LUZP2: variants seen among roughly 807,000 people sequenced by gnomAD.
LUZP2 encodes the protein leucine zipper protein 2.
A neutral mutation model predicts 51.6 loss-of-function variants in LUZP2; 52 were observed. That is an observed-to-expected ratio of 1.01 (90% CI 0.81 to 1.27). The LOEUF (loss-of-function observed/expected upper bound fraction) is 1.27. LUZP2 is among the 50% of genes most tolerant of loss of function. The pLI is 0.00. For missense variants in LUZP2, 436 were observed against 395.4 expected (o/e 1.10, Z -0.87); for synonymous variants, 154 against 137.3 (o/e 1.12, Z -0.85).
chr11:24,574,069 G>A (rs905190676), intron 1 of LUZP2, among the ~76,000 whole-genome samples: 4 of 149,838 alleles, frequency 2.7e-5, no homozygotes, highest in Non-Finnish European at 4.5e-5. Context: ...TCTCTCTTTC[G>A]CTTCTCTCTC....
intron 10 of LUZP2, among the ~76,000 whole-genome samples, chr11:25,052,925 A>G (rs889613684): frequency 1.3e-5 from 2 of 152,176 alleles, no homozygotes; most frequent in South Asian, 2.1e-4. Context: ...AAAGTAGGAT[A>G]TAATGTAGTT....
intron 9 of LUZP2, among the ~76,000 whole-genome samples, chr11:25,030,984 TACA>T (rs1276728908): frequency 1.5e-4 from 1 of 6,484 alleles, no homozygotes; most frequent in East Asian, 2.6e-3. Flanking sequence ...ATATATATAA[TACA>T]ATATATATTA....
chr11:24,651,027 A>G (rs1445330938), intron 1 of LUZP2, among the ~76,000 whole-genome samples: 1 of 152,022 alleles, frequency 6.6e-6, no homozygotes, highest in Admixed American at 6.6e-5. Flanking sequence ...CACCAGGGCC[A>G]TTACACCTTC....
intron 1 of LUZP2, among the ~76,000 whole-genome samples, chr11:24,718,234 G>T (rs1332229858): frequency 2.0e-5 from 3 of 152,156 alleles, no homozygotes; most frequent in Admixed American, 6.5e-5. Flanking sequence ...GCTAATCTCA[G>T]AGTGGTTGTT....
intron 1 of LUZP2, among the ~76,000 whole-genome samples, chr11:24,511,216 G>C (rs1033766329): frequency 1.3e-5 from 2 of 152,052 alleles, no homozygotes; most frequent in Non-Finnish European, 2.9e-5. Context: ...TGTCTTTTTT[G>C]TGTATAGTAA....
chr11:24,668,120 G>C (rs1340615652), intron 1 of LUZP2, among the ~76,000 whole-genome samples: 4 of 152,226 alleles, frequency 2.6e-5, no homozygotes, highest in Admixed American at 1.3e-4. Context: ...ATAGTGCAAA[G>C]TGAAAGTGAT....
intron 7 of LUZP2, among the ~76,000 whole-genome samples, chr11:24,947,051 A>G (rs912280216): frequency 2.0e-5 from 3 of 151,988 alleles, no homozygotes; most frequent in African/African-American, 7.2e-5. Context: ...AAATCCGCAT[A>G]TAACTTTTGA....
intron 7 of LUZP2, among the ~76,000 whole-genome samples, chr11:24,955,505 T>C (rs1855188064): frequency 1.3e-5 from 2 of 151,978 alleles, no homozygotes; most frequent in Admixed American, 6.6e-5. Context: ...AAAAATTACA[T>C]GGAATGAAAA....
chr11:24,616,181 G>A (rs113333461), intron 1 of LUZP2, among the ~76,000 whole-genome samples: 186 of 151,682 alleles, frequency 1.2e-3, no homozygotes, highest in East Asian at 6.6e-3. Context: ...AGGGTCTTTC[G>A]CAGAGGCAAA....
intron 1 of LUZP2, among the ~76,000 whole-genome samples, chr11:24,547,389 G>A (rs1016631844): frequency 2.0e-5 from 3 of 151,896 alleles, no homozygotes; most frequent in African/African-American, 7.2e-5. Flanking sequence ...AACGGAACAG[G>A]TTAGAGAACC....
At chr11:24,715,908 T>C (rs1858025324) in intron 1 of LUZP2, among the ~76,000 whole-genome samples, 1 of 152,184 alleles carries the variant, frequency 6.6e-6, no homozygotes, top group African/African-American at 2.4e-5. Flanking sequence ...TATTTTTTCA[T>C]CAATGATATC....
intron 1 of LUZP2, among the ~76,000 whole-genome samples, chr11:24,668,271 A>G (rs1355819679): frequency 6.6e-6 from 1 of 152,248 alleles, no homozygotes; most frequent in Non-Finnish European, 1.5e-5. Flanking sequence ...ACACTGAAGC[A>G]TAAAGGGAAT....
At chr11:24,593,713 T>G (rs566126026) in intron 1 of LUZP2, among the ~76,000 whole-genome samples, 90 of 152,348 alleles carry the variant, frequency 5.9e-4, no homozygotes, top group Middle Eastern at 3.4e-3. Context: ...GATGTTCCAA[T>G]AGGCTCTTAC....
intron 7 of LUZP2, among the ~76,000 whole-genome samples, chr11:24,961,497 T>A (rs1295124417): frequency 6.6e-6 from 1 of 151,868 alleles, no homozygotes; most frequent in Non-Finnish European, 1.5e-5. Flanking sequence ...TTTACCATTA[T>A]GTAATGGCCT....
chr11:25,044,096 T>A (rs1453538172), intron 9 of LUZP2, among the ~76,000 whole-genome samples: 1 of 104,150 alleles, frequency 9.6e-6, no homozygotes, highest in African/African-American at 4.2e-5. Context: ...TATATATATC[T>A]GATATATATA....
chr11:24,960,951 T>G (rs1230684957), intron 7 of LUZP2, among the ~76,000 whole-genome samples: 4 of 152,188 alleles, frequency 2.6e-5, no homozygotes, highest in Admixed American at 6.5e-5. Context: ...GTTGTGTCTT[T>G]GTTCTCGTTG....
At chr11:25,028,437 T>C (rs1480239090) in intron 9 of LUZP2, among the ~76,000 whole-genome samples, 1 of 152,120 alleles carries the variant, frequency 6.6e-6, no homozygotes, top group Non-Finnish European at 1.5e-5. Context: ...ATGTGGTGTA[T>C]ATAATAATGA....
chr11:24,768,925 T>C (rs1048358566), intron 5 of LUZP2, among the ~76,000 whole-genome samples: 4 of 152,324 alleles, frequency 2.6e-5, no homozygotes, highest in Middle Eastern at 3.4e-3. Context: ...GAAATCAATA[T>C]GTTGAAGAGA....
intron 7 of LUZP2, among the ~76,000 whole-genome samples, chr11:24,954,401 G>T (rs1356708002): frequency 6.6e-6 from 1 of 152,132 alleles, no homozygotes; most frequent in Non-Finnish European, 1.5e-5. Flanking sequence ...TTGTTTGGCT[G>T]TAATTTAGAG....
Sources: allele counts gnomAD v4.1 joint callset (sites outside exome capture counted in the v4.1 genomes callset), GRCh38; gene constraint gnomAD v4.1.1; transcripts MANE v1.5; gene names NCBI Gene and HGNC (gene_info 2026-07-23, HGNC 2026-07-21).